The following IL17RD variants were observed in gnomAD, a reference collection of about 807,000 sequenced individuals.
IL17RD encodes the protein interleukin-17 receptor D.
In IL17RD, 52 loss-of-function variants were observed where a neutral mutation model predicts 80.5. The ratio of observed to expected loss-of-function variants is 0.65; its 90% confidence interval spans 0.52 to 0.81. The LOEUF (loss-of-function observed/expected upper bound fraction) is 0.81. IL17RD is among the 40% of genes least tolerant of loss of function. The probability of loss-of-function intolerance (pLI) is 0.00; values close to 1 mark genes in which losing one functional copy is unlikely to be tolerated. For missense variants in IL17RD, 1,024 were observed against 955.1 expected (o/e 1.07, Z -0.95); for synonymous variants, 416 against 391.8 (o/e 1.06, Z -0.73).
chr3:57,092,439 A>C lies in IL17RD; in HGVS notation c.*3954T>G, dbSNP rs939130263. Reference sequence around the variant, plus strand: ...CCGTCTCTACTAAAAATACAAAAAAATTAGCCAGGCGTGGTGGTGGGCGCC... The same window carrying C: ...CCGTCTCTACTAAAAATACAAAAAACTTAGCCAGGCGTGGTGGTGGGCGCC... On this transcript the variant is annotated 3_prime_UTR_variant, in exon 13 of 13. Coordinates refer to ENST00000296318, the MANE Select transcript of IL17RD (RefSeq NM_017563.5). 2 of 150,046 alleles carry C rather than the reference A, an allele frequency of 1.3e-5. No homozygotes were observed. Among genetic ancestry groups the C allele is most frequent in the African/African-American group, 2.4e-5 (1 of 41,292 alleles). The allele number at this position is 150,046 out of a possible 1,614,324, so 9.3% of individuals were successfully genotyped here.
chr3:57,100,705 C>T (rs561865002), intron 11 of IL17RD, among the ~76,000 whole-genome samples: 3 of 151,704 alleles, frequency 2.0e-5, no homozygotes, highest in African/African-American at 7.2e-5. Flanking sequence ...CCTCAAGATC[C>T]CCTCTAATGG....
At chr3:57,149,166 CTT>C (rs1263406778) in intron 1 of IL17RD, among the ~76,000 whole-genome samples, 6 of 151,996 alleles carry the variant, frequency 3.9e-5, no homozygotes, top group African/African-American at 1.2e-4. Flanking sequence ...TGTGGTGGCA[CTT>C]GTCTGTCATC....
At chr3:57,098,657 A>G (rs770988194) in intron 11 of IL17RD, 119 bp from the exon 12 acceptor site, 2 of 699,846 alleles carry the variant, frequency 2.9e-6, no homozygotes, top group Non-Finnish European at 4.9e-6. Context: ...AACCCTTATT[A>G]GCACAGCTAT....
chr3:57,135,596 CTT>C (rs1293787499), intron 1 of IL17RD, among the ~76,000 whole-genome samples: 12 of 152,194 alleles, frequency 7.9e-5, no homozygotes, highest in Non-Finnish European at 1.6e-4. Flanking sequence ...TGGACTGTGA[CTT>C]GACATAAATT....
chr3:57,127,355 T>TAA (rs369889931), intron 1 of IL17RD, among the ~76,000 whole-genome samples: 4,838 of 94,188 alleles, frequency 0.051, 697 homozygotes, highest in African/African-American at 0.13. Context: ...TATAAATATA[T>TAA]ATAAATATAA....
rs185250324 is a variant in IL17RD at position 57,092,277 on chromosome 3, T to G, written c.*4116A>C. On this transcript the variant is annotated 3_prime_UTR_variant, in exon 13 of 13. Coordinates refer to ENST00000296318, the MANE Select transcript of IL17RD (RefSeq NM_017563.5). The stretch of plus-strand genomic sequence containing the variant: ...GAGCTAAAACTATAAACAAAGCCCT[T>G]TAGGTTGTGGAGTTTAAATGAAATT... 6.6e-6 allele frequency: 1 copy of G among 152,502 alleles called. No homozygotes were observed. Among genetic ancestry groups the G allele is most frequent in the Non-Finnish European group, 1.5e-5 (1 of 68,024 alleles). 9.4% of individuals were successfully genotyped at this position (152,502 alleles called of 1,614,324 possible).
chr3:57,150,807 G>A (rs1388796740), intron 1 of IL17RD, among the ~76,000 whole-genome samples: 9 of 152,174 alleles, frequency 5.9e-5, no homozygotes, highest in Admixed American at 2.0e-4. Flanking sequence ...TTTTTAAAGA[G>A]GAATTCAGAA....
Position 57,114,739 on chromosome 3 carries a change from C to A in IL17RD, c.263G>T (p.Cys88Phe). Reference sequence around the variant, plus strand: ...AATGGTGACTGCCACTTGGTCATGGCAAGCATACTGGCTGATGGTGATATT... The same window carrying A: ...AATGGTGACTGCCACTTGGTCATGGAAAGCATACTGGCTGATGGTGATATT... ...AQNITISQYA[C>F]HDQVAVTILW... Residue 88 changes from cysteine (C) to phenylalanine (F), a missense_variant, in exon 3 of 13, where the codon TGC becomes TTC. By Grantham distance (205) the Cys-to-Phe change is radical. Transcript: ENST00000296318. The A allele has an allele frequency of 6.2e-7, 1 of 1,612,538 alleles. No individual in the cohort carries two copies. The highest frequency in any genetic ancestry group is 8.5e-7 in the Non-Finnish European group (1 of 1,179,488).
chr3:57,132,384 C>T (rs1707629400), intron 1 of IL17RD, among the ~76,000 whole-genome samples: 1 of 151,858 alleles, frequency 6.6e-6, no homozygotes, highest in Admixed American at 6.6e-5. Flanking sequence ...CGCTGGAACC[C>T]AGGAGGCAGA....
intron 10 of IL17RD, among the ~76,000 whole-genome samples, chr3:57,102,106 T>A (rs556983749): frequency 2.0e-4 from 31 of 151,750 alleles, no homozygotes; most frequent in South Asian, 1.5e-3. Flanking sequence ...ACAAAAAAAA[T>A]TTTTTTTTAA....
Position 57,098,179 on chromosome 3 carries a change from A to G in IL17RD, c.1524T>C (p.Cys508=). The change falls in exon 12 of 13, where the codon TGT becomes TGC. Residue 508 remains cysteine, a synonymous_variant. Coordinates refer to ENST00000296318, the MANE Select transcript of IL17RD (RefSeq NM_017563.5). ...CGTGGTCTCGGGAGTGCAAGTGGGA[A>G]CAGAGCTGAGGAAGATTGTCCATGA... The part of the protein sequence containing the change: ...YRLMDNLPQL[C]SHLHSRDHGL... 6.2e-7 allele frequency: 1 copy of G among 1,613,928 alleles called. No individual in the cohort carries two copies. Among genetic ancestry groups the G allele is most frequent in the Middle Eastern group, 1.6e-4 (1 of 6,062 alleles).
chr3:57,118,266 A>G (rs147538236), intron 2 of IL17RD, among the ~76,000 whole-genome samples: 74 of 152,300 alleles, frequency 4.9e-4, no homozygotes, highest in African/African-American at 1.8e-3. Context: ...TACACCACCA[A>G]TGTGAGCTCC....
Position 57,096,517 on chromosome 3 carries a change from A to G in IL17RD, c.2108-12T>C. On this transcript the variant is annotated splice_polypyrimidine_tract_variant and intron_variant, in intron 12 of 12. Coordinates refer to ENST00000296318, the MANE Select transcript of IL17RD (RefSeq NM_017563.5). ...AGGTTCCTCCTCACCTAAGGAGAGA[A>G]GAGAGTACAGAGTCACACTGTCATT... The G allele has an allele frequency of 6.6e-7, 1 of 1,523,312 alleles. No homozygotes were observed. The allele number at this position is 1,523,312 out of a possible 1,614,324, so 94.4% of individuals were successfully genotyped here.
intron 1 of IL17RD, among the ~76,000 whole-genome samples, chr3:57,149,548 C>T (rs142401832): frequency 2.0e-5 from 3 of 152,348 alleles, no homozygotes; most frequent in Admixed American, 6.5e-5. Context: ...TGAGGGTGAG[C>T]TGTCCAATAG....
chr3:57,143,926 G>A (rs1170809067), intron 1 of IL17RD, among the ~76,000 whole-genome samples: 1 of 152,172 alleles, frequency 6.6e-6, no homozygotes, highest in Non-Finnish European at 1.5e-5. Context: ...TACCTACAGG[G>A]GCAAGAGGCA....
In IL17RD at chr3:57,098,077, T is replaced by C. The variant is rs987252997; in HGVS notation, c.1626A>G (p.Leu542=). ...NYFRSKSGRS[L]YVAICNMHQF... ...GGTGCATGTTGCAAATGGCGACGTA[T>C]AGGGACCGGCCTGACTTGCTCCGGA... Residue 542 remains leucine (L), a synonymous_variant, in exon 12 of 13, where the codon CTA becomes CTG. Coordinates refer to ENST00000296318, the MANE Select transcript of IL17RD (RefSeq NM_017563.5). The C allele has an allele frequency of 1.9e-6, 3 of 1,613,946 alleles. No individual in the cohort carries two copies. The highest frequency in any genetic ancestry group is 4.5e-5 in the East Asian group (2 of 44,868).
intron 2 of IL17RD, 43 bp downstream of exon 2, chr3:57,120,213 A>C: frequency 6.9e-7 from 1 of 1,452,996 alleles, no homozygotes; most frequent in Non-Finnish European, 9.7e-7. Context: ...TCTCTAGATG[A>C]CTCAAAGGGC....
At chr3:57,115,897 G>A (rs1045170086) in intron 2 of IL17RD, among the ~76,000 whole-genome samples, 1 of 152,128 alleles carries the variant, frequency 6.6e-6, no homozygotes, top group East Asian at 1.9e-4. Context: ...AGCTCTGTGA[G>A]TCTCCCTTTT....
At chr3:57,105,824 G>A (rs776954845) in intron 7 of IL17RD, 33 bp downstream of exon 7, 7 of 1,596,360 alleles carry the variant, frequency 4.4e-6, no homozygotes, top group Non-Finnish European at 6.0e-6. Flanking sequence ...TTTGAAACAC[G>A]CAGTGTTCCT....
Sources: allele counts gnomAD v4.1 joint callset (sites outside exome capture counted in the v4.1 genomes callset), GRCh38; gene constraint gnomAD v4.1.1; transcripts MANE v1.5; gene names NCBI Gene and HGNC (gene_info 2026-07-23, HGNC 2026-07-21).